The following HLA-DQB1 variants were observed in gnomAD, a reference collection of about 807,000 sequenced individuals.
HLA-DQB1 encodes major histocompatibility complex, class II, DQ beta 1, also known as HLA class II histocompatibility antigen, DQ beta 1 chain.
HLA-DQB1 carries 13 observed loss-of-function variants against 26.4 expected under a neutral mutation model. The observed-to-expected ratio is 0.49, with a 90% confidence interval of 0.32 to 0.78. HLA-DQB1 has a LOEUF of 0.78. Ranked by LOEUF, HLA-DQB1 falls within the 30% of genes least tolerant of loss-of-function variation. The pLI is 0.03. For missense variants in HLA-DQB1, 158 were observed against 326.2 expected, an observed-to-expected ratio of 0.48 and a Z score of 3.97; for synonymous variants, 60 against 129.1, an observed-to-expected ratio of 0.46 and a Z score of 3.63.
At position 32,664,875 on chromosome 6, in the gene HLA-DQB1, T is replaced by C; in HGVS notation, c.302A>G (p.Glu101Gly). Residue 101 changes from glutamate to glycine, a missense_variant, in exon 2 of 5, where the codon GAG becomes GGG. Physicochemically the swap from Glu to Gly is moderately conservative, Grantham distance 98. Coordinates refer to ENST00000434651, the Ensembl canonical transcript of HLA-DQB1. The stretch of plus-strand genomic sequence containing the variant: ...CGTGTCCAACTCCGCCCGGGTCCCC[T>C]CCAGGACTTCCTTCTGGCTGTTCCA... 7 of 1,226,414 alleles carry C rather than the reference T, an allele frequency of 5.7e-6. 2 individuals carry two copies. The highest frequency in any genetic ancestry group is 8.2e-6 in the Non-Finnish European group (7 of 851,518). The allele number at this position is 1,226,414 out of a possible 1,614,324, so 76.0% of individuals were successfully genotyped here.
chr6:32,665,725 T>C (rs35273588), intron 1 of HLA-DQB1, among the ~76,000 whole-genome samples: 8,562 of 118,732 alleles, frequency 0.072, 773 homozygotes, highest in Middle Eastern at 0.15. Flanking sequence ...GGGCAGGTTA[T>C]GTAACAGAAT....
At chr6:32,660,371 C>T (rs9273486) in intron 4 of HLA-DQB1, 122 bp from the exon 5 acceptor site, 11,836 of 465,074 alleles carry the variant, frequency 0.025, 563 homozygotes, top group Admixed American at 0.088. Context: ...GGTGTATTGT[C>T]ATCACCTCCC....
Position 32,664,849 on chromosome 6 carries a change from C to A in HLA-DQB1, c.328G>T (p.Val110Leu), listed in dbSNP as rs281862109. 5.6e-6 allele frequency: 6 copies of A among 1,075,150 alleles called. 2 individuals are homozygous for A. The highest frequency in any genetic ancestry group is 8.2e-6 in the Non-Finnish European group (6 of 733,456). 66.6% of individuals were successfully genotyped at this position (1,075,150 alleles called of 1,614,324 possible). The stretch of plus-strand genomic sequence containing the variant: ...GCCACCTCGTAGTTGTGTCTGCACA[C>A]CGTGTCCAACTCCGCCCGGGTCCCC... Residue 110 changes from valine to leucine, a missense_variant, in exon 2 of 5, where the codon GTG becomes TTG. Physicochemically the swap from Val to Leu is conservative, Grantham distance 32. Transcript: ENST00000434651.
At chr6:32,663,541 T>C (rs1554167580) in intron 2 of HLA-DQB1, 1 of 150,602 alleles carries the variant, frequency 6.6e-6, no homozygotes, top group Non-Finnish European at 1.5e-5. Context: ...GTTGTGTACT[T>C]TGGGAGGCTT....
chr6:32,666,468 C>T, intron 1 of HLA-DQB1, 31 bp downstream of exon 1: 2 of 798,934 alleles, frequency 2.5e-6, no homozygotes, highest in Non-Finnish European at 4.0e-6. Context: ...CCCAGAGTGG[C>T]GGCTCTGGAG....
intron 2 of HLA-DQB1, chr6:32,662,712 T>TA (rs17843762): frequency 0.8 from 74,798 of 93,770 alleles, 31,503 homozygotes; most frequent in Middle Eastern, 0.91. Flanking sequence ...TCTCATCCTT[T>TA]CCTTTTAGGC....
chr6:32,660,814 C>A, intron 4 of HLA-DQB1: 1 of 1,086,496 alleles, frequency 9.2e-7, no homozygotes, highest in African/African-American at 1.8e-5. Flanking sequence ...GCTCTTCCCT[C>A]TTATACCTGT....
chr6:32,660,485 T>C lies in HLA-DQB1; in HGVS notation c.773-236A>G, dbSNP rs1226687353. ...ACAGCTGTTATTCTTCTGGGGAATA[T>C]GAAGGGTTCAGTCTTTTTAGGAAAT... is the stretch of plus-strand genomic sequence containing the variant. On this transcript the variant is annotated intron_variant, in intron 4 of 4. Coordinates refer to ENST00000434651, the Ensembl canonical transcript of HLA-DQB1. 4 of 360,184 alleles carry C rather than the reference T, an allele frequency of 1.1e-5. 1 individual carries two copies. The Admixed American group carries it at 1.5e-4, about 13-fold the overall frequency. 22.3% of individuals were successfully genotyped at this position (360,184 alleles called of 1,614,324 possible).
chr6:32,663,532 T>A (rs36230067), intron 2 of HLA-DQB1: 1 of 148,058 alleles, frequency 6.8e-6, no homozygotes. Flanking sequence ...CATAAGAATG[T>A]TGTGTACTTT....
chr6:32,661,754 A>G (rs9273818), intron 3 of HLA-DQB1: 48,221 of 460,228 alleles, frequency 0.1, 4,136 homozygotes, highest in East Asian at 0.23. Context: ...ACTGGGATTC[A>G]GAGCAACAGT....
chr6:32,662,663 T>TAA (rs41268292), intron 2 of HLA-DQB1: 11,429 of 68,638 alleles, frequency 0.17, 504 homozygotes, highest in Middle Eastern at 0.3. Context: ...CTGCTCATAG[T>TAA]AAAAAAAATG....
Position 32,661,564 on chromosome 6 carries a change from C to G in HLA-DQB1, c.662-107G>C, listed in dbSNP as rs9273721. ...GCAGAAGGTGAAGGCATCAAAGGAACCTAGTTCTCCATTCAGACCACCCCT... is the reference window on the plus strand; with the variant it reads ...GCAGAAGGTGAAGGCATCAAAGGAAGCTAGTTCTCCATTCAGACCACCCCT... On this transcript the variant is annotated intron_variant, in intron 3 of 4. Coordinates refer to ENST00000434651, the Ensembl canonical transcript of HLA-DQB1. 15,947 of 704,508 alleles carry G rather than the reference C, an allele frequency of 0.023. 3,738 individuals are homozygous for G. In the East Asian group the frequency reaches 0.23, roughly 10 times the overall value. The allele number at this position is 704,508 out of a possible 1,614,324, so 43.6% of individuals were successfully genotyped here.
At chr6:32,661,480 T>C in intron 3 of HLA-DQB1, 23 bp from the exon 4 acceptor site, 1 of 1,018,120 alleles carries the variant, frequency 9.8e-7, no homozygotes, top group Non-Finnish European at 1.4e-6. Context: ...ACTGAGTGTC[T>C]GTGTTTGTCC....
At chr6:32,659,858 T>C (rs9273444) in exon 5 of HLA-DQB1, 1 of 159,326 alleles carries the variant, frequency 6.3e-6, no homozygotes, top group Non-Finnish European at 1.4e-5. Context: ...TCCTGCCTCT[T>C]CTCAATTAAG....
chr6:32,661,873 T>C (rs9273873), intron 3 of HLA-DQB1, 94 bp downstream of exon 3: 182,661 of 971,694 alleles, frequency 0.19, 20,501 homozygotes, highest in South Asian at 0.23. Context: ...CCCAGCTCAG[T>C]AGTGACATCA....
chr6:32,663,320 G>A (rs1006054691), intron 2 of HLA-DQB1: 5 of 148,906 alleles, frequency 3.4e-5, no homozygotes, highest in Non-Finnish European at 7.4e-5. Flanking sequence ...TCAAAAGAAG[G>A]CAAGGGAGTG....
exon 1 of HLA-DQB1, chr6:32,666,625 AAGC>A (rs71789649): frequency 0.096 from 84,279 of 878,876 alleles, 9,471 homozygotes; most frequent in Middle Eastern, 0.19. Flanking sequence ...ACGAAGGGAA[AAGC>A]AGTGGTAGTC....
chr6:32,660,345 G>A (rs9273481), intron 4 of HLA-DQB1, 96 bp from the exon 5 acceptor site: 2 of 565,736 alleles, frequency 3.5e-6, no homozygotes, highest in East Asian at 3.9e-5. Context: ...TTCAGACAGA[G>A]AAAGTTGAGG....
At chr6:32,661,939 T>C (rs9273902) in intron 3 of HLA-DQB1, 28 bp downstream of exon 3, 313,747 of 1,388,642 alleles carry the variant, frequency 0.23, 47,091 homozygotes, top group Non-Finnish European at 0.24. Context: ...TGTGGGCCCA[T>C]AGTAACAGAA....
Sources: gnomAD v4.1 joint callset for allele counts (sites outside exome capture counted in the v4.1 genomes callset) on GRCh38, gnomAD v4.1.1 for gene constraint, MANE v1.5 for transcripts, NCBI Gene and HGNC (gene_info 2026-07-23, HGNC 2026-07-21) for gene names.